The following ATXN7L1 variants were observed in gnomAD, a reference collection of about 807,000 sequenced individuals.
ATXN7L1 encodes ataxin 7 like 1, also known as ataxin-7-like protein 1.
ATXN7L1 carries 15 observed loss-of-function variants against 70.8 expected under a neutral mutation model. That is an observed-to-expected ratio of 0.21 (90% CI 0.14 to 0.33). The LOEUF (loss-of-function observed/expected upper bound fraction) is 0.33, where lower values mean the gene tolerates loss of function less well. ATXN7L1 is among the 10% of genes least tolerant of loss of function. ATXN7L1 has a pLI of 1.00. For synonymous variants in ATXN7L1, 440 were observed against 445.1 expected, an observed-to-expected ratio of 0.99 and a Z score of 0.14; for missense variants, 975 against 1,097.1, an observed-to-expected ratio of 0.89 and a Z score of 1.57.
rs145326044 is a variant in ATXN7L1, at chr7:105,637,869, T to C, written c.1202+484A>G. Among the ~76,000 whole-genome samples, 12 of 152,180 alleles carry C rather than the reference T, an allele frequency of 7.9e-5. 1 individual carries two copies. The highest frequency in any genetic ancestry group is 2.9e-4 in the African/African-American group (12 of 41,508). ...GATAGGAGAGCGTGCAAAACAAATATCGTGGCAACTGGACTAGCATGGTGC... is the reference window on the plus strand; with the variant it reads ...GATAGGAGAGCGTGCAAAACAAATACCGTGGCAACTGGACTAGCATGGTGC... On this transcript the variant is annotated intron_variant, in intron 7 of 11. Coordinates refer to ENST00000419735, the MANE Select transcript of ATXN7L1 (RefSeq NM_020725.2).
chr7:105,816,305 G>C (rs1428212330), intron 2 of ATXN7L1, among the ~76,000 whole-genome samples: 1 of 152,168 alleles, frequency 6.6e-6, no homozygotes, highest in Non-Finnish European at 1.5e-5. Flanking sequence ...AAGGGCACTA[G>C]CTGAATTTTA....
chr7:105,624,067 A>G lies in ATXN7L1; in HGVS notation c.1395+8T>C. The G allele has an allele frequency of 7.1e-7, 1 of 1,401,962 alleles. No homozygotes were observed. The highest frequency in any genetic ancestry group is 9.4e-7 in the Non-Finnish European group (1 of 1,063,670). 86.8% of individuals were successfully genotyped at this position (1,401,962 alleles called of 1,614,324 possible). A position where few individuals can be genotyped will look rare whatever the true frequency, so the allele number is the denominator to read the frequency against. The stretch of plus-strand genomic sequence containing the variant: ...AGAACGCATGGCAAGGAACGGAAGG[A>G]GGCCTACCGCCAGAGGTCTGGGGTG... On this transcript the variant is annotated splice_region_variant and intron_variant, in intron 8 of 11. Coordinates refer to ENST00000419735, the MANE Select transcript of ATXN7L1 (RefSeq NM_020725.2).
intron 7 of ATXN7L1, among the ~76,000 whole-genome samples, chr7:105,633,746 CA>C (rs889622175): frequency 6.6e-6 from 1 of 151,986 alleles, no homozygotes; most frequent in Non-Finnish European, 1.5e-5. Context: ...ACAAAAAAAG[CA>C]GTGTAATTAA....
rs114203650 is a variant in ATXN7L1 at position 105,791,431 on chromosome 7, C to G, written c.251-2723G>C. On this transcript the variant is annotated intron_variant, in intron 2 of 11. Coordinates refer to ENST00000419735, the MANE Select transcript of ATXN7L1 (RefSeq NM_020725.2). ...AGAGAGGCTGAGACAAGAGCCCGAA[C>G]CTGGGCCCAGCCAACACCCTGTGGG... Among the ~76,000 whole-genome samples the G allele has an allele frequency of 7.6e-3, 1,164 of 152,302 alleles. 17 individuals carry two copies. Among genetic ancestry groups the G allele is most frequent in the African/African-American group, 0.027 (1,123 of 41,560 alleles).
At chr7:105,742,778 A>C (rs2096368013) in intron 3 of ATXN7L1, among the ~76,000 whole-genome samples, 1 of 152,092 alleles carries the variant, frequency 6.6e-6, no homozygotes, top group Non-Finnish European at 1.5e-5. Flanking sequence ...CAGGGAAGCT[A>C]TTTTAATTTT....
chr7:105,619,165 T>TTTTTTTTTTTTTTTTA (rs869296716), intron 9 of ATXN7L1, among the ~76,000 whole-genome samples: 1 of 140,544 alleles, frequency 7.1e-6, no homozygotes, highest in African/African-American at 2.7e-5. Context: ...TTTTTTTTTT[T>TTTTTTTTTTTTTTTTA]GAGACGGAGT....
At chr7:105,637,165 T>C (rs1349310142) in intron 7 of ATXN7L1, among the ~76,000 whole-genome samples, 2 of 152,186 alleles carry the variant, frequency 1.3e-5, no homozygotes, top group African/African-American at 4.8e-5. Flanking sequence ...CGCGTCCTCC[T>C]GAATGCCTGA....
intron 3 of ATXN7L1, among the ~76,000 whole-genome samples, chr7:105,727,185 C>T (rs1003246430): frequency 6.6e-5 from 10 of 152,104 alleles, no homozygotes; most frequent in African/African-American, 2.4e-4. Flanking sequence ...CCTGAATAAA[C>T]ACTATGCACA....
chr7:105,728,883 T>G (rs1796204644), intron 3 of ATXN7L1, among the ~76,000 whole-genome samples: 1 of 152,066 alleles, frequency 6.6e-6, no homozygotes, highest in South Asian at 2.1e-4. Flanking sequence ...TGGAGGAATT[T>G]GAGAAACAAA....
At chr7:105,611,624 G>A (rs1426823924) in intron 10 of ATXN7L1, among the ~76,000 whole-genome samples, 3 of 152,140 alleles carry the variant, frequency 2.0e-5, no homozygotes, top group African/African-American at 4.8e-5. Context: ...CACCCATCTC[G>A]GCCTCCCGAA....
chr7:105,760,116 T>C (rs1563071366), intron 3 of ATXN7L1: 10 of 869,696 alleles, frequency 1.1e-5, no homozygotes, highest in South Asian at 5.3e-5. Flanking sequence ...ATGCTTTCCA[T>C]ATGCCAAGTT....
chr7:105,865,402 A>C (rs1817254022), intron 2 of ATXN7L1, among the ~76,000 whole-genome samples: 2 of 147,576 alleles, frequency 1.4e-5, no homozygotes, highest in Admixed American at 1.3e-4. Context: ...TTACCATTTT[A>C]ACTTTTTTTT....
intron 2 of ATXN7L1, among the ~76,000 whole-genome samples, chr7:105,798,258 G>A (rs907162159): frequency 1.3e-5 from 2 of 152,196 alleles, no homozygotes; most frequent in African/African-American, 2.4e-5. Context: ...CAGCTACTCT[G>A]CACTCAACAA....
chr7:105,870,301 T>A (rs1818068814), intron 2 of ATXN7L1, among the ~76,000 whole-genome samples: 1 of 151,384 alleles, frequency 6.6e-6, no homozygotes, highest in Admixed American at 6.6e-5. Context: ...AAAAAAAAAT[T>A]TGATATCCAT....
chr7:105,797,129 G>A (rs1478481288), intron 2 of ATXN7L1, among the ~76,000 whole-genome samples: 2 of 152,232 alleles, frequency 1.3e-5, no homozygotes, highest in Non-Finnish European at 2.9e-5. Context: ...GTGCGGGTGC[G>A]TGCAGGCGGC....
chr7:105,654,990 C>T (rs943490301), intron 4 of ATXN7L1, among the ~76,000 whole-genome samples: 3 of 151,778 alleles, frequency 2.0e-5, no homozygotes, highest in African/African-American at 7.3e-5. Context: ...GCGATCTGCC[C>T]GCTTCAGTCT....
chr7:105,684,600 T>C (rs1456971881), intron 3 of ATXN7L1, among the ~76,000 whole-genome samples: 1 of 152,264 alleles, frequency 6.6e-6, no homozygotes, highest in Non-Finnish European at 1.5e-5. Context: ...AAATGTCATC[T>C]TGTTGGATTT....
At chr7:105,749,580 A>AG (rs1377946926) in intron 3 of ATXN7L1, among the ~76,000 whole-genome samples, 1 of 150,816 alleles carries the variant, frequency 6.6e-6, no homozygotes, top group African/African-American at 2.4e-5. Flanking sequence ...GGTGAGATTG[A>AG]GCCACTGTCC....
intron 3 of ATXN7L1, among the ~76,000 whole-genome samples, chr7:105,782,359 C>G (rs1395905729): frequency 1.3e-5 from 2 of 152,166 alleles, no homozygotes; most frequent in Non-Finnish European, 2.9e-5. Context: ...ACTTTAGAAA[C>G]AAACTAATCC....
Sources: gnomAD v4.1 joint callset for allele counts (sites outside exome capture counted in the v4.1 genomes callset) on GRCh38, gnomAD v4.1.1 for gene constraint, MANE v1.5 for transcripts, NCBI Gene and HGNC (gene_info 2026-07-23, HGNC 2026-07-21) for gene names.